Variants in SORCS2 observed in about 807,000 individuals in gnomAD.
The protein encoded by SORCS2 is VPS10 domain-containing receptor SorCS2.
A neutral mutation model predicts 141.6 loss-of-function variants in SORCS2; 100 were observed. That is an observed-to-expected ratio of 0.71 (90% CI 0.60 to 0.83). The LOEUF (loss-of-function observed/expected upper bound fraction) is 0.83, where lower values mean the gene tolerates loss of function less well. Ranked by LOEUF, SORCS2 falls within the 40% of genes least tolerant of loss-of-function variation. The pLI is 0.00. For synonymous variants in SORCS2, 789 were observed against 676.9 expected (o/e 1.17, Z -2.57); for missense variants, 1,646 against 1,560.2 (o/e 1.05, Z -0.93).
intron 2 of SORCS2, among the ~76,000 whole-genome samples, chr4:7,459,550 CATG>C (rs1271236494): frequency 6.6e-6 from 1 of 152,146 alleles, no homozygotes; most frequent in Non-Finnish European, 1.5e-5. Context: ...TAGTGAAGCC[CATG>C]ATGATGATGC....
intron 1 of SORCS2, among the ~76,000 whole-genome samples, chr4:7,341,860 C>T (rs1490790481): frequency 6.6e-6 from 1 of 152,210 alleles, no homozygotes; most frequent in Non-Finnish European, 1.5e-5. Flanking sequence ...CCCATTTCTC[C>T]TCCTTCTAGT....
intron 1 of SORCS2, among the ~76,000 whole-genome samples, chr4:7,230,551 T>C (rs4689661): frequency 1.7e-3 from 159 of 91,858 alleles, no homozygotes; most frequent in Admixed American, 4.3e-3. Flanking sequence ...TGGGCAGGAG[T>C]AGTGTCATGT....
chr4:7,694,000 G>A (rs570540927), intron 11 of SORCS2, among the ~76,000 whole-genome samples: 1 of 152,316 alleles, frequency 6.6e-6, no homozygotes, highest in Non-Finnish European at 1.5e-5. Context: ...CACTCACCTG[G>A]GCCCCGGCTG....
At chr4:7,736,952 A>T in intron 25 of SORCS2, 117 bp from the exon 26 acceptor site, 1 of 1,328,774 alleles carries the variant, frequency 7.5e-7, no homozygotes. Context: ...GCACCTCTGG[A>T]GTGCTGTGGG....
intron 8 of SORCS2, among the ~76,000 whole-genome samples, chr4:7,670,816 G>A (rs112583145): frequency 6.6e-6 from 1 of 152,166 alleles, no homozygotes; most frequent in Non-Finnish European, 1.5e-5. Context: ...AGGAGCGGGA[G>A]GGTGCAGGGG....
At chr4:7,452,133 T>A (rs1309288655) in intron 2 of SORCS2, among the ~76,000 whole-genome samples, 1 of 151,884 alleles carries the variant, frequency 6.6e-6, no homozygotes, top group Non-Finnish European at 1.5e-5. Flanking sequence ...GCCTTCCAGA[T>A]GGAAGGCTCT....
chr4:7,587,792 G>A (rs1716640930), intron 3 of SORCS2, among the ~76,000 whole-genome samples: 1 of 152,206 alleles, frequency 6.6e-6, no homozygotes, highest in Admixed American at 6.5e-5. Context: ...TGCAGGGCCT[G>A]TCAGTATGAC....
In SORCS2 at chr4:7,525,849, G is replaced by GCAGTCACCTGTCCCCT. The variant is rs1733646876; in HGVS notation, c.549-5679_549-5664dup. ...TCCCCTCAGTCACCTGGGCCCTCCTGCAGTCACCTGTCCCCTCCTCAGTCA... is the reference window on the plus strand; with the variant it reads ...TCCCCTCAGTCACCTGGGCCCTCCTGCAGTCACCTGTCCCCTCAGTCACCTGTCCCCTCCTCAGTCA... On this transcript the variant is annotated intron_variant, in intron 2 of 26. Transcript: ENST00000507866. Among the ~76,000 whole-genome samples, 6 of 51,662 alleles carry GCAGTCACCTGTCCCCT rather than the reference G, an allele frequency of 1.2e-4. 1 individual carries two copies. The highest frequency in any genetic ancestry group is 2.3e-4 in the Admixed American group (1 of 4,362). The allele number at this position is 51,662 out of a possible 152,430, so 33.9% of individuals were successfully genotyped here. A position where few individuals can be genotyped will look rare whatever the true frequency, so the allele number is the denominator to read the frequency against.
chr4:7,213,313 T>TG (rs1728156913), intron 1 of SORCS2, among the ~76,000 whole-genome samples: 1 of 152,190 alleles, frequency 6.6e-6, no homozygotes, highest in Non-Finnish European at 1.5e-5. Flanking sequence ...TGAAGGGCAC[T>TG]GGGAGGCACA....
intron 1 of SORCS2, among the ~76,000 whole-genome samples, chr4:7,221,318 C>A (rs1388207312): frequency 2.0e-5 from 3 of 152,224 alleles, no homozygotes; most frequent in Admixed American, 2.0e-4. Context: ...TCCCACCAGA[C>A]CCTGGGCCTA....
chr4:7,327,174 A>G (rs1719319871), intron 1 of SORCS2, among the ~76,000 whole-genome samples: 1 of 152,176 alleles, frequency 6.6e-6, no homozygotes, highest in African/African-American at 2.4e-5. Context: ...GCGTCAAACA[A>G]CAGAAATGCA....
intron 2 of SORCS2, among the ~76,000 whole-genome samples, chr4:7,439,685 T>C (rs1317867310): frequency 1.1e-4 from 16 of 152,232 alleles, no homozygotes; most frequent in Non-Finnish European, 2.4e-4. Flanking sequence ...CCTCTTTCGC[T>C]TGATGTTATG....
At chr4:7,692,296 G>A (rs759311847) in intron 11 of SORCS2, among the ~76,000 whole-genome samples, 1 of 152,110 alleles carries the variant, frequency 6.6e-6, no homozygotes, top group Non-Finnish European at 1.5e-5. Flanking sequence ...CCACAGGGTC[G>A]CTCCCCTGCC....
At chr4:7,194,195 G>A (rs1727033487) in intron 1 of SORCS2, among the ~76,000 whole-genome samples, 1 of 152,096 alleles carries the variant, frequency 6.6e-6, no homozygotes, top group Non-Finnish European at 1.5e-5. Flanking sequence ...TCATTTCTGT[G>A]CCTTGCTGTC....
rs532552334 is a variant in SORCS2 at position 7,426,593 on chromosome 4, G to A, written c.548+30238G>A. Among the ~76,000 whole-genome samples the A allele has an allele frequency of 8.3e-4, 127 of 152,340 alleles. 1 individual carries two copies. The highest frequency in any genetic ancestry group is 3.0e-3 in the African/African-American group (124 of 41,582). On this transcript the variant is annotated intron_variant, in intron 2 of 26. Coordinates refer to ENST00000507866, the MANE Select transcript of SORCS2 (RefSeq NM_020777.3). ...TGTAGGAAGCTCAGGGAGGGTTGGT[G>A]TCATCAGCCCGATGGAAATAGCACA...
At chr4:7,537,994 G>GAA (rs1039405885) in intron 3 of SORCS2, among the ~76,000 whole-genome samples, 1 of 152,136 alleles carries the variant, frequency 6.6e-6, no homozygotes, top group Non-Finnish European at 1.5e-5. Flanking sequence ...TCAAAAGAAA[G>GAA]AAAAGGGGGC....
At chr4:7,488,255 G>A (rs1430508288) in intron 2 of SORCS2, among the ~76,000 whole-genome samples, 4 of 152,210 alleles carry the variant, frequency 2.6e-5, no homozygotes, top group Non-Finnish European at 2.9e-5. Flanking sequence ...CAGTTGCCAA[G>A]GCATTGTTTC....
chr4:7,333,495 G>A (rs1232449241), intron 1 of SORCS2, among the ~76,000 whole-genome samples: 1 of 152,184 alleles, frequency 6.6e-6, no homozygotes, highest in Non-Finnish European at 1.5e-5. Flanking sequence ...CCAGCCTGCA[G>A]GAGGGGCTCA....
intron 1 of SORCS2, among the ~76,000 whole-genome samples, chr4:7,337,249 G>A (rs1160183845): frequency 3.9e-5 from 6 of 152,128 alleles, no homozygotes; most frequent in African/African-American, 1.4e-4. Context: ...CTGTGTGCGG[G>A]GCCTTATGGG....
Sources: gnomAD v4.1 joint callset for allele counts (sites outside exome capture counted in the v4.1 genomes callset) on GRCh38, gnomAD v4.1.1 for gene constraint, MANE v1.5 for transcripts, NCBI Gene and HGNC (gene_info 2026-07-23, HGNC 2026-07-21) for gene names.